TRHDE: variants seen among roughly 807,000 people sequenced by gnomAD.
TRHDE encodes thyrotropin-releasing hormone-degrading ectoenzyme.
A neutral mutation model predicts 125.7 loss-of-function variants in TRHDE; 72 were observed. The ratio of observed to expected loss-of-function variants is 0.57; its 90% confidence interval spans 0.47 to 0.70. TRHDE has a LOEUF of 0.70. Ranked by LOEUF, TRHDE falls within the 30% of genes least tolerant of loss-of-function variation. TRHDE has a pLI of 0.00. For missense variants in TRHDE, 1,110 were observed against 1,327.1 expected (o/e 0.84, Z 2.54); for synonymous variants, 509 against 509.1 (o/e 1.00, Z 0.00).
intron 6 of TRHDE, among the ~76,000 whole-genome samples, chr12:72,503,061 A>G (rs531419117): frequency 6.6e-6 from 1 of 152,308 alleles, no homozygotes; most frequent in African/African-American, 2.4e-5. Context: ...ACAAAGGTAA[A>G]CTATGTTGGG....
At chr12:72,307,749 G>C (rs1476835535) in intron 2 of TRHDE, among the ~76,000 whole-genome samples, 1 of 152,190 alleles carries the variant, frequency 6.6e-6, no homozygotes, top group Admixed American at 6.5e-5. Context: ...CAGCTGAGCT[G>C]TTGCTCATTG....
chr12:72,601,429 A>T (rs531557078), intron 12 of TRHDE, among the ~76,000 whole-genome samples: 1 of 152,150 alleles, frequency 6.6e-6, no homozygotes, highest in African/African-American at 2.4e-5. Context: ...ACTAAGGATT[A>T]AAACATTATA....
At chr12:72,570,576 CTCAAAAAA>C (rs1870670544) in intron 10 of TRHDE, among the ~76,000 whole-genome samples, 1 of 70,712 alleles carries the variant, frequency 1.4e-5, no homozygotes, top group African/African-American at 8.7e-5. Flanking sequence ...GAGAGACTGT[CTCAAAAAA>C]AAAAAAAAAA....
chr12:72,332,678 A>C (rs986477313), intron 2 of TRHDE, among the ~76,000 whole-genome samples: 1 of 152,228 alleles, frequency 6.6e-6, no homozygotes, highest in Non-Finnish European at 1.5e-5. Context: ...TATTTATTGA[A>C]TATTTTCTAC....
At position 72,668,179 on chromosome 12, in the gene TRHDE, G is replaced by T. The variant is rs1875167113; in HGVS notation, c.*4984G>T. On this transcript the variant is annotated 3_prime_UTR_variant, in exon 19 of 19. Transcript: ENST00000261180. ...AAATATTAAGTATTTTATTTAATGT[G>T]ATATAGATTCAGGAAAAGTCTAACA... 1 of 151,546 alleles carries T rather than the reference G, an allele frequency of 6.6e-6. No individual in the cohort carries two copies. Among genetic ancestry groups the T allele is most frequent in the Non-Finnish European group, 1.5e-5 (1 of 67,724 alleles). 9.4% of individuals were successfully genotyped at this position (151,546 alleles called of 1,614,324 possible).
At chr12:72,324,516 G>A (rs549149682) in intron 2 of TRHDE, among the ~76,000 whole-genome samples, 1 of 152,212 alleles carries the variant, frequency 6.6e-6, no homozygotes, top group South Asian at 2.1e-4. Flanking sequence ...AGTCAGACAT[G>A]AGCTGAATAT....
At chr12:72,617,604 A>C (rs969015272) in intron 12 of TRHDE, among the ~76,000 whole-genome samples, 2 of 146,742 alleles carry the variant, frequency 1.4e-5, no homozygotes, top group Admixed American at 1.3e-4. Flanking sequence ...CCTCTTCCCT[A>C]TGTTAACAGT....
In TRHDE at chr12:72,638,095, A is replaced by G. The variant is rs1227701826; in HGVS notation, c.2676-14227A>G. Among the ~76,000 whole-genome samples the G allele has an allele frequency of 2.0e-5, 3 of 147,188 alleles. 1 individual carries two copies. Among genetic ancestry groups the G allele is most frequent in the Non-Finnish European group, 4.5e-5 (3 of 66,878 alleles). ...TGTCTCGTTGATCTGTCTAATGTTG[A>G]CAGTGGGGTGTTAAAGTCTCCCATT... On this transcript the variant is annotated intron_variant, in intron 15 of 18. Coordinates refer to ENST00000261180, the MANE Select transcript of TRHDE (RefSeq NM_013381.3).
At chr12:72,489,855 A>T (rs1301526149) in intron 5 of TRHDE, among the ~76,000 whole-genome samples, 6 of 152,086 alleles carry the variant, frequency 3.9e-5, no homozygotes, top group Non-Finnish European at 8.8e-5. Flanking sequence ...AAAATGGGTA[A>T]GACCTAAATG....
intron 1 of TRHDE, among the ~76,000 whole-genome samples, chr12:72,097,440 ATTTTTTTTTTT>A (rs869290442): frequency 2.8e-4 from 6 of 21,640 alleles, no homozygotes; most frequent in African/African-American, 5.7e-4. Flanking sequence ...TTCTCACTGA[ATTTTTTTTTTT>A]TTTTTTTTTT....
chr12:72,425,675 C>T (rs1042802960), intron 3 of TRHDE, among the ~76,000 whole-genome samples: 2 of 151,838 alleles, frequency 1.3e-5, no homozygotes, highest in Non-Finnish European at 1.5e-5. Context: ...AGTTTCTGCA[C>T]CATATTTCTG....
Position 72,667,443 on chromosome 12 carries a change from ATACTT to A in TRHDE, c.*4249_*4253del, listed in dbSNP as rs1342898298. 1.3e-5 allele frequency: 2 copies of A among 151,758 alleles called. No individual in the cohort carries two copies. The highest frequency in any genetic ancestry group is 2.4e-5 in the African/African-American group (1 of 41,416). The allele number at this position is 151,758 out of a possible 1,614,324, so 9.4% of individuals were successfully genotyped here. ...TATTGTATAGATACAATATATAACT[ATACTT>A]AAAGAAATATTTATTGAGCATCTTT... On this transcript the variant is annotated 3_prime_UTR_variant, in exon 19 of 19. Coordinates refer to ENST00000261180, the MANE Select transcript of TRHDE (RefSeq NM_013381.3).
intron 2 of TRHDE, among the ~76,000 whole-genome samples, chr12:72,360,534 C>T (rs1871020597): frequency 6.6e-6 from 1 of 151,698 alleles, no homozygotes; most frequent in Admixed American, 6.6e-5. Context: ...TTACAACTAA[C>T]CGTGGAACAC....
At chr12:72,554,449 A>G (rs1360904847) in intron 7 of TRHDE, among the ~76,000 whole-genome samples, 1 of 152,232 alleles carries the variant, frequency 6.6e-6, no homozygotes, top group African/African-American at 2.4e-5. Context: ...AGGAATCAGC[A>G]TGGGTTAATA....
intron 12 of TRHDE, among the ~76,000 whole-genome samples, chr12:72,591,234 C>A (rs1325898272): frequency 6.6e-6 from 1 of 152,216 alleles, no homozygotes; most frequent in Non-Finnish European, 1.5e-5. Context: ...ATGGAAGCTA[C>A]AATTCAAGAT....
intron 2 of TRHDE, among the ~76,000 whole-genome samples, chr12:72,142,090 A>G (rs1017429997): frequency 1.3e-5 from 2 of 151,480 alleles, no homozygotes; most frequent in African/African-American, 4.9e-5. Context: ...AAAAAAAAAG[A>G]AATCTTCAGA....
intron 15 of TRHDE, among the ~76,000 whole-genome samples, chr12:72,638,100 G>C (rs1434075807): frequency 6.8e-6 from 1 of 147,160 alleles, no homozygotes; most frequent in South Asian, 2.3e-4. Flanking sequence ...TGTTGACAGT[G>C]GGGTGTTAAA....
chr12:72,614,793 G>GTAAGAT (rs1872756631), intron 12 of TRHDE, among the ~76,000 whole-genome samples: 1 of 152,088 alleles, frequency 6.6e-6, no homozygotes, highest in African/African-American at 2.4e-5. Flanking sequence ...ACCCATCTCA[G>GTAAGAT]TAAGATTCAA....
At chr12:72,605,469 T>C (rs1872400233) in intron 12 of TRHDE, among the ~76,000 whole-genome samples, 2 of 152,114 alleles carry the variant, frequency 1.3e-5, no homozygotes, top group African/African-American at 4.8e-5. Flanking sequence ...TATTCCTGCT[T>C]CCTGAAAGAT....
Sources: gnomAD v4.1 joint callset for allele counts (sites outside exome capture counted in the v4.1 genomes callset) on GRCh38, gnomAD v4.1.1 for gene constraint, MANE v1.5 for transcripts, NCBI Gene and HGNC (gene_info 2026-07-23, HGNC 2026-07-21) for gene names.